Variants in PSKH1 observed in about 807,000 individuals in gnomAD.
PSKH1 encodes the protein serine/threonine-protein kinase H1.
PSKH1 carries 12 observed loss-of-function variants against 26.7 expected under a neutral mutation model. That is an observed-to-expected ratio of 0.45 (90% CI 0.29 to 0.73). PSKH1 has a LOEUF of 0.73. PSKH1 is among the 30% of genes least tolerant of loss of function. PSKH1 has a pLI of 0.11. For synonymous variants in PSKH1, 213 were observed against 234.3 expected (o/e 0.91, Z 0.83); for missense variants, 431 against 595.2 (o/e 0.72, Z 2.87).
Position 67,910,012 on chromosome 16 carries a change from C to T in PSKH1, c.957+306C>T, listed in dbSNP as rs1242882345. On this transcript the variant is annotated intron_variant, in intron 2 of 2. Transcript: ENST00000291041. Reference sequence around the variant, plus strand: ...GAGTATATTGAGAAATGGACTGCCACTGTGGGCCACTGGGAACCTTGGTAA... The same window carrying T: ...GAGTATATTGAGAAATGGACTGCCATTGTGGGCCACTGGGAACCTTGGTAA... The T allele has an allele frequency of 1.0e-5, 5 of 497,876 alleles. No individual in the cohort carries two copies. The Admixed American group carries it at 1.4e-4, about 14-fold the overall frequency. The allele number at this position is 497,876 out of a possible 1,614,324, so 30.8% of individuals were successfully genotyped here. A position where few individuals can be genotyped will look rare whatever the true frequency, so the allele number is the denominator to read the frequency against.
At chr16:67,924,803 C>A (rs964711502) in intron 2 of PSKH1, among the ~76,000 whole-genome samples, 1 of 152,130 alleles carries the variant, frequency 6.6e-6, no homozygotes. Flanking sequence ...TCCCCTGACC[C>A]ACTCTGTTCA....
chr16:67,916,771 G>A (rs1402090250), intron 2 of PSKH1, among the ~76,000 whole-genome samples: 2 of 152,128 alleles, frequency 1.3e-5, no homozygotes, highest in Non-Finnish European at 2.9e-5. Flanking sequence ...GCATATGTAA[G>A]CCACAGTATA....
chr16:67,903,565 T>C (rs1214709864), intron 1 of PSKH1, among the ~76,000 whole-genome samples: 1 of 151,894 alleles, frequency 6.6e-6, no homozygotes, highest in Non-Finnish European at 1.5e-5. Context: ...CCTCCCAGGT[T>C]TAAGCGATTC....
chr16:67,922,946 G>C (rs74024105), intron 2 of PSKH1, among the ~76,000 whole-genome samples: 2 of 152,366 alleles, frequency 1.3e-5, no homozygotes, highest in Non-Finnish European at 2.9e-5. Context: ...TAGAGAGCTG[G>C]CGCTGTTCTT....
chr16:67,901,343 T>C, intron 1 of PSKH1, among the ~76,000 whole-genome samples: 1 of 152,164 alleles, frequency 6.6e-6, no homozygotes, highest in Non-Finnish European at 1.5e-5. Context: ...TTTCTTTCTT[T>C]CTTTAAGAGA....
At chr16:67,899,359 C>G (rs980534750) in intron 1 of PSKH1, among the ~76,000 whole-genome samples, 2 of 126,726 alleles carry the variant, frequency 1.6e-5, no homozygotes, top group African/African-American at 3.1e-5. Context: ...TTTTTGGAGA[C>G]GAGTCTCGCT....
intron 1 of PSKH1, among the ~76,000 whole-genome samples, chr16:67,900,982 C>T (rs1288979183): frequency 2.0e-5 from 3 of 152,086 alleles, no homozygotes; most frequent in Non-Finnish European, 4.4e-5. Context: ...AGCCACCTCC[C>T]GTGTTATAGA....
At chr16:67,904,619 C>T (rs2058151014) in intron 1 of PSKH1, among the ~76,000 whole-genome samples, 3 of 151,958 alleles carry the variant, frequency 2.0e-5, no homozygotes, top group Admixed American at 6.6e-5. Flanking sequence ...GGATTACAGG[C>T]GTGAGCTGCC....
chr16:67,916,509 A>G (rs1303297526), intron 2 of PSKH1, among the ~76,000 whole-genome samples: 1 of 152,180 alleles, frequency 6.6e-6, no homozygotes, highest in East Asian at 1.9e-4. Context: ...AGTGCTCCAG[A>G]ATAAACAGGA....
At chr16:67,905,163 G>T (rs1365154657) in intron 1 of PSKH1, among the ~76,000 whole-genome samples, 1 of 152,076 alleles carries the variant, frequency 6.6e-6, no homozygotes, top group Non-Finnish European at 1.5e-5. Context: ...CCCTCCTTCA[G>T]GTCAACCTCA....
In PSKH1 at chr16:67,895,686, C is replaced by T. The variant is rs549353188; in HGVS notation, c.-71+2315C>T. ...CCTCCCAAAGTGCTGGGATTACAGG[C>T]GTGAGCCACCATGTCTGGCCAGGTA... On this transcript the variant is annotated intron_variant, in intron 1 of 2. Coordinates refer to ENST00000291041, the MANE Select transcript of PSKH1 (RefSeq NM_006742.3). 2.6e-5 allele frequency among the ~76,000 whole-genome samples: 4 copies of T among 152,280 alleles called. No homozygotes were observed. In the East Asian group the frequency reaches 7.7e-4, roughly 29 times the overall value.
At chr16:67,913,089 G>A (rs560890395) in intron 2 of PSKH1, among the ~76,000 whole-genome samples, 1 of 152,138 alleles carries the variant, frequency 6.6e-6, no homozygotes, top group East Asian at 2.0e-4. Context: ...GGAGGCTGAG[G>A]TGGGAGGATC....
chr16:67,904,065 G>T (rs1444828131), intron 1 of PSKH1, among the ~76,000 whole-genome samples: 1 of 150,734 alleles, frequency 6.6e-6, no homozygotes, highest in East Asian at 1.9e-4. Flanking sequence ...GCCCAGGCTG[G>T]AATGCAGTGG....
intron 1 of PSKH1, among the ~76,000 whole-genome samples, chr16:67,897,590 A>G (rs1252438483): frequency 6.6e-6 from 1 of 152,104 alleles, no homozygotes; most frequent in Admixed American, 6.6e-5. Flanking sequence ...TGTTTGTCGC[A>G]ATCTCTGGCA....
At chr16:67,916,253 AT>A (rs2058187626) in intron 2 of PSKH1, among the ~76,000 whole-genome samples, 1 of 152,094 alleles carries the variant, frequency 6.6e-6, no homozygotes, top group Non-Finnish European at 1.5e-5. Context: ...GGAGGTATGC[AT>A]TCTTCACCAG....
chr16:67,927,864 CT>C lies in PSKH1; in HGVS notation c.*223del, dbSNP rs2058222589. Reference sequence around the variant, plus strand: ...GTAGCACAGGGGGCTGTGACTCCCCCTGAACTGGGAGCCTGGCCTGGCACTG... The same window carrying C: ...GTAGCACAGGGGGCTGTGACTCCCCCGAACTGGGAGCCTGGCCTGGCACTG... On this transcript the variant is annotated 3_prime_UTR_variant, in exon 3 of 3. Coordinates refer to ENST00000291041, the MANE Select transcript of PSKH1 (RefSeq NM_006742.3). This position sits in a 1 kb window ranked among gnomAD's most constrained non-coding sequence, Gnocchi z 5.5. The C allele has an allele frequency of 3.4e-6, 2 of 593,672 alleles. No homozygotes were observed. Among genetic ancestry groups the C allele is most frequent in the East Asian group, 5.8e-5 (2 of 34,756 alleles). The allele number at this position is 593,672 out of a possible 1,614,324, so 36.8% of individuals were successfully genotyped here. A position where few individuals can be genotyped will look rare whatever the true frequency, so the allele number is the denominator to read the frequency against.
At chr16:67,926,425 C>T (rs541179337) in intron 2 of PSKH1, among the ~76,000 whole-genome samples, 5 of 152,224 alleles carry the variant, frequency 3.3e-5, no homozygotes, top group Non-Finnish European at 5.9e-5. Context: ...TGCAGTCTCA[C>T]GTTACAGCTG....
intron 2 of PSKH1, among the ~76,000 whole-genome samples, chr16:67,923,071 G>C (rs370416797): frequency 6.6e-6 from 1 of 152,220 alleles, no homozygotes; most frequent in East Asian, 1.9e-4. Context: ...GGTTGGTGCG[G>C]GGGGTCCTCA....
chr16:67,900,892 C>G lies in PSKH1; in HGVS notation c.-71+7521C>G, dbSNP rs1231476788. Among the ~76,000 whole-genome samples, 2 of 152,132 alleles carry G rather than the reference C, an allele frequency of 1.3e-5. 1 individual carries two copies. The highest frequency in any genetic ancestry group is 1.3e-4 in the Admixed American group (2 of 15,270). ...CATCCTTGCCCATCCCTACACCTAC[C>G]GTGATCTCTGGGCTAGGGGCACACA... On this transcript the variant is annotated intron_variant, in intron 1 of 2. Transcript: ENST00000291041.
Sources: allele counts gnomAD v4.1 joint callset (sites outside exome capture counted in the v4.1 genomes callset), GRCh38; gene constraint gnomAD v4.1.1; non-coding constraint Gnocchi (gnomAD v3.1); transcripts MANE v1.5; gene names NCBI Gene and HGNC (gene_info 2026-07-23, HGNC 2026-07-21).